Variants in RNF24 observed in about 807,000 individuals in gnomAD.
RNF24 encodes the protein ring finger protein 24.
RNF24 carries 14 observed loss-of-function variants against 20.0 expected under a neutral mutation model. The ratio of observed to expected loss-of-function variants is 0.70; its 90% CI spans 0.46 to 1.10. The LOEUF (loss-of-function observed/expected upper bound fraction) is 1.10. Among genes scored for constraint, RNF24 ranks in the 50% least tolerant of loss-of-function variants. The pLI is 0.00. For missense variants in RNF24, 124 were observed against 177.6 expected, an observed-to-expected ratio of 0.70 and a Z score of 1.71; for synonymous variants, 45 against 61.1, an observed-to-expected ratio of 0.74 and a Z score of 1.23.
At chr20:3,983,243 T>C (rs1255942229) in intron 1 of RNF24, among the ~76,000 whole-genome samples, 3 of 152,232 alleles carry the variant, frequency 2.0e-5, no homozygotes, top group African/African-American at 4.8e-5. Context: ...GGTATGTCTT[T>C]TCATTTATTC....
intron 4 of RNF24, among the ~76,000 whole-genome samples, chr20:3,940,416 GAAA>G (rs35857615): frequency 1.4e-5 from 2 of 142,804 alleles, no homozygotes; most frequent in Admixed American, 1.4e-4. Flanking sequence ...AAAAATTACT[GAAA>G]AAAAAAAAAA....
chr20:3,963,814 A>C, intron 2 of RNF24, 61 bp downstream of exon 2: 5 of 1,389,546 alleles, frequency 3.6e-6, no homozygotes, highest in Non-Finnish European at 4.9e-6. Flanking sequence ...ATCTGAGGAC[A>C]GAAACTTGAT....
chr20:3,951,611 T>C (rs1240590676), intron 2 of RNF24, among the ~76,000 whole-genome samples: 1 of 152,258 alleles, frequency 6.6e-6, no homozygotes, highest in African/African-American at 2.4e-5. Context: ...TCCTCATTTA[T>C]TTGTGCAATT....
chr20:3,982,578 C>CAAAA (rs755663389), intron 1 of RNF24, among the ~76,000 whole-genome samples: 3 of 104,918 alleles, frequency 2.9e-5, no homozygotes, highest in Non-Finnish European at 5.5e-5. Flanking sequence ...GACTCTGTCT[C>CAAAA]AAAAAAAAAA....
chr20:3,962,303 G>C (rs955389682), intron 2 of RNF24, among the ~76,000 whole-genome samples: 1 of 152,148 alleles, frequency 6.6e-6, no homozygotes, highest in Admixed American at 6.5e-5. Context: ...GTAGTGAGCA[G>C]AGACTGTGCC....
chr20:3,928,290 A>G lies in RNF24; in HGVS notation c.*5773T>C, dbSNP rs2090757229. 2 of 152,212 alleles carry G rather than the reference A, an allele frequency of 1.3e-5. No homozygotes were observed. Among genetic ancestry groups the G allele is most frequent in the African/African-American group, 4.8e-5 (2 of 41,444 alleles). 9.4% of individuals were successfully genotyped at this position (152,212 alleles called of 1,614,324 possible). A position where few individuals can be genotyped will look rare whatever the true frequency, so the allele number is the denominator to read the frequency against. On this transcript the variant is annotated 3_prime_UTR_variant, in exon 6 of 6. Coordinates refer to ENST00000358395, the MANE Select transcript of RNF24 (RefSeq NM_001134337.3). ...AGGGCACCAGTTGCAATTTTAATCCAGGGGAGGATCTGGGCTGCTGCTGTA... is the reference window on the plus strand; with the variant it reads ...AGGGCACCAGTTGCAATTTTAATCCGGGGGAGGATCTGGGCTGCTGCTGTA...
At chr20:3,998,774 A>T (rs6052227) in intron 1 of RNF24, among the ~76,000 whole-genome samples, 2 of 6,068 alleles carry the variant, frequency 3.3e-4, no homozygotes, top group Non-Finnish European at 5.9e-4. Flanking sequence ...AAATTAAATT[A>T]AAAAAAATAA....
At chr20:3,985,056 A>C (rs977507134) in intron 1 of RNF24, among the ~76,000 whole-genome samples, 1 of 146,026 alleles carries the variant, frequency 6.8e-6, no homozygotes, top group Admixed American at 6.8e-5. Context: ...CAACAACCAC[A>C]ACAACAACCA....
rs1461322399 is a variant in RNF24 at position 3,948,221 on chromosome 20, G to C, written c.186+16C>G. On this transcript the variant is annotated intron_variant, in intron 3 of 5. Coordinates refer to ENST00000358395, the MANE Select transcript of RNF24 (RefSeq NM_001134337.3). ...GGAAAAAAAAAATCAAAGCCAATCT[G>C]AATTAAATTTCTCACCTGTTTGTAG... The C allele has an allele frequency of 3.8e-6, 6 of 1,568,988 alleles. No individual in the cohort carries two copies. The South Asian group carries it at 6.0e-5, about 16-fold the overall frequency.
chr20:3,990,370 C>T (rs928935342), intron 1 of RNF24, among the ~76,000 whole-genome samples: 8 of 152,254 alleles, frequency 5.3e-5, no homozygotes, highest in African/African-American at 1.7e-4. Context: ...TATACATGCA[C>T]TTACCTATTG....
At chr20:4,006,754 C>A (rs999084501) in intron 1 of RNF24, among the ~76,000 whole-genome samples, 6 of 152,338 alleles carry the variant, frequency 3.9e-5, no homozygotes, top group Middle Eastern at 3.4e-3. Flanking sequence ...AGGGCCAGTG[C>A]AACTCTCTGG....
intron 4 of RNF24, among the ~76,000 whole-genome samples, chr20:3,935,282 G>A (rs2090877193): frequency 6.6e-6 from 1 of 152,224 alleles, no homozygotes; most frequent in Non-Finnish European, 1.5e-5. Flanking sequence ...ATATCTTCAA[G>A]GAGGTGGGCA....
intron 2 of RNF24, among the ~76,000 whole-genome samples, chr20:3,949,553 T>G (rs1354952331): frequency 2.7e-5 from 4 of 150,766 alleles, no homozygotes; most frequent in Admixed American, 2.0e-4. Flanking sequence ...CATGGTGGCG[T>G]GTGGCCTGTG....
In RNF24 at chr20:3,978,186, T is replaced by C. The variant is rs1032161834; in HGVS notation, c.-7-14162A>G. ...CTGAGTAGCTGGGATTACAGGTGTG[T>C]GCCACCATACCCGGCTAATTTTTGT... On this transcript the variant is annotated intron_variant, in intron 1 of 5. Transcript: ENST00000358395. 4.6e-5 allele frequency among the ~76,000 whole-genome samples: 7 copies of C among 151,638 alleles called. No individual in the cohort carries two copies. The South Asian group carries it at 6.3e-4, about 14-fold the overall frequency.
rs962673913 is a variant in RNF24, at chr20:3,929,835, A to G, written c.*4228T>C. 3.9e-5 allele frequency: 6 copies of G among 152,264 alleles called. No homozygotes were observed. The highest frequency in any genetic ancestry group is 8.8e-5 in the Non-Finnish European group (6 of 68,046). 9.4% of individuals were successfully genotyped at this position (152,264 alleles called of 1,614,324 possible). A position where few individuals can be genotyped will look rare whatever the true frequency, so the allele number is the denominator to read the frequency against. On this transcript the variant is annotated 3_prime_UTR_variant, in exon 6 of 6. Coordinates refer to ENST00000358395, the MANE Select transcript of RNF24 (RefSeq NM_001134337.3). ...AGGGACTGCAGATTCTGATTTGTAC[A>G]GAAAACTAAAATTTCAGTATGTTGC... is the stretch of plus-strand genomic sequence containing the variant.
intron 4 of RNF24, among the ~76,000 whole-genome samples, chr20:3,939,530 T>G (rs1600626135): frequency 1.3e-5 from 2 of 152,246 alleles, no homozygotes; most frequent in East Asian, 3.8e-4. Flanking sequence ...ATTTTTGGAC[T>G]TGCAGTTCTA....
chr20:3,991,620 G>T (rs968878864), intron 1 of RNF24, among the ~76,000 whole-genome samples: 1 of 152,060 alleles, frequency 6.6e-6, no homozygotes. Context: ...TAAAAACCTT[G>T]ATTCTTATTT....
intron 1 of RNF24, among the ~76,000 whole-genome samples, chr20:3,987,105 TTTAA>T (rs1472955315): frequency 3.1e-4 from 47 of 152,214 alleles, no homozygotes; most frequent in African/African-American, 1.1e-3. Context: ...CTAATCAACA[TTTAA>T]CTATTGACTT....
At chr20:4,005,607 T>A (rs376095665) in intron 1 of RNF24, among the ~76,000 whole-genome samples, 2 of 152,304 alleles carry the variant, frequency 1.3e-5, no homozygotes, top group East Asian at 3.9e-4. Flanking sequence ...TTTCATTCAG[T>A]CCAAGATAAA....
Sources: allele counts gnomAD v4.1 joint callset (sites outside exome capture counted in the v4.1 genomes callset), GRCh38; gene constraint gnomAD v4.1.1; transcripts MANE v1.5; gene names NCBI Gene and HGNC (gene_info 2026-07-23, HGNC 2026-07-21).